Variants in RAB14 observed in about 807,000 individuals in gnomAD.
RAB14 encodes RAB14, member RAS oncogene family, also known as ras-related protein Rab-14.
A neutral mutation model predicts 31.1 loss-of-function variants in RAB14; 3 were observed. The ratio of observed to expected loss-of-function variants is 0.10; its 90% CI spans 0.04 to 0.25. The LOEUF (loss-of-function observed/expected upper bound fraction) is 0.25, where lower values mean the gene tolerates loss of function less well. Among genes scored for constraint, RAB14 ranks in the 10% least tolerant of loss-of-function variants. The pLI, the probability that RAB14 is intolerant of heterozygous loss-of-function variation, is 1.00. For synonymous variants in RAB14, 85 were observed against 84.9 expected (o/e 1.00, Z 0.00); for missense variants, 111 against 260.1 (o/e 0.43, Z 3.94).
At chr9:121,190,841 A>G (rs2053682511) in intron 3 of RAB14, 110 bp from the exon 4 acceptor site, 1 of 1,022,020 alleles carries the variant, frequency 9.8e-7, no homozygotes, top group African/African-American at 1.6e-5. Flanking sequence ...CTTACAGGCT[A>G]TAAATAGACT....
At chr9:121,194,910 T>C (rs2053706821) in intron 1 of RAB14, among the ~76,000 whole-genome samples, 1 of 152,176 alleles carries the variant, frequency 6.6e-6, no homozygotes, top group Admixed American at 6.6e-5. Context: ...GTATTACATT[T>C]AGTGAAAGTA....
At chr9:121,189,245 T>C (rs1296725270) in intron 4 of RAB14, among the ~76,000 whole-genome samples, 2 of 152,106 alleles carry the variant, frequency 1.3e-5, no homozygotes, top group Non-Finnish European at 2.9e-5. Context: ...TTTGATGACT[T>C]GAATAGACAC....
chr9:121,192,874 G>A (rs1407758716), intron 2 of RAB14, among the ~76,000 whole-genome samples: 1 of 151,860 alleles, frequency 6.6e-6, no homozygotes, highest in Non-Finnish European at 1.5e-5. Flanking sequence ...TTTTATGTTT[G>A]GATAAATAGC....
chr9:121,186,957 T>C lies in RAB14; in HGVS notation c.347A>G (p.Asn116Ser). ...LTDARNLTNP[N>S]TVIILIGNKA... is the part of the protein sequence containing the mutation. The stretch of plus-strand genomic sequence containing the variant: ...ATAAGATGCCATTTAACTTACAGTA[T>C]TTGGATTGGTGAGATTCCTTGCATC... The change falls in exon 5 of 8, where the codon AAT (asparagine) becomes AGT (serine). Residue 116 changes from asparagine to serine, a missense_variant. Transcript: ENST00000373840. 6.5e-7 allele frequency: 1 copy of C among 1,549,486 alleles called. No homozygotes were observed. The highest frequency in any genetic ancestry group is 2.4e-5 in the East Asian group (1 of 41,246).
intron 5 of RAB14, among the ~76,000 whole-genome samples, chr9:121,183,692 TTTG>T (rs2053645318): frequency 6.6e-6 from 1 of 152,200 alleles, no homozygotes; most frequent in Non-Finnish European, 1.5e-5. Context: ...GCTGGGTTTT[TTTG>T]TTGTTGTTTT....
chr9:121,182,854 T>C (rs2053640483), intron 7 of RAB14, 76 bp downstream of exon 7: 1 of 1,295,524 alleles, frequency 7.7e-7, no homozygotes, highest in Non-Finnish European at 1.1e-6. Flanking sequence ...ATATACATTA[T>C]ATACTTTTCA....
chr9:121,183,198 T>C (rs2053642495), intron 6 of RAB14, 113 bp downstream of exon 6: 1 of 888,520 alleles, frequency 1.1e-6, no homozygotes, highest in Admixed American at 2.4e-5. Flanking sequence ...ATTCTTGAGA[T>C]TTCTGAGTCT....
At chr9:121,185,259 G>C (rs1248191928) in intron 5 of RAB14, among the ~76,000 whole-genome samples, 3 of 152,044 alleles carry the variant, frequency 2.0e-5, no homozygotes, top group African/African-American at 7.3e-5. Flanking sequence ...GAGTCACAGA[G>C]ACTTACAAAA....
rs1215285017 is a variant in RAB14 at position 121,178,273 on chromosome 9, C to G, written c.*3123G>C. On this transcript the variant is annotated 3_prime_UTR_variant, in exon 8 of 8. Coordinates refer to ENST00000373840, the MANE Select transcript of RAB14 (RefSeq NM_016322.4). The stretch of plus-strand genomic sequence containing the variant: ...ACAGTAAGTTCTAGAAGGCATCTTT[C>G]AAAACAAAACTTGATTTCTTTTGTA... 6.6e-6 allele frequency: 1 copy of G among 152,156 alleles called. No individual in the cohort carries two copies. The highest frequency in any genetic ancestry group is 2.4e-5 in the African/African-American group (1 of 41,430). 9.4% of individuals were successfully genotyped at this position (152,156 alleles called of 1,614,324 possible).
At chr9:121,184,281 G>A (rs1157897613) in intron 5 of RAB14, among the ~76,000 whole-genome samples, 1 of 152,076 alleles carries the variant, frequency 6.6e-6, no homozygotes, top group African/African-American at 2.4e-5. Flanking sequence ...TCAAATCCAA[G>A]GCAAAATATC....
rs532163841 is a variant in RAB14, at chr9:121,192,109, TA to T, written c.106+61del. On this transcript the variant is annotated intron_variant, in intron 3 of 7. Coordinates refer to ENST00000373840, the MANE Select transcript of RAB14 (RefSeq NM_016322.4). ...GAAGTATACTGAAAATGACACTTTCTAAAAAGTAGAAACATGGCGATAAAGA... is the reference window on the plus strand; with the variant it reads ...GAAGTATACTGAAAATGACACTTTCTAAAAGTAGAAACATGGCGATAAAGA... 3.6e-3 allele frequency: 4,760 copies of T among 1,307,106 alleles called. 15 individuals are homozygous for T. Among genetic ancestry groups the T allele is most frequent in the Non-Finnish European group, 4.8e-3 (4,481 of 936,722 alleles). The allele number at this position is 1,307,106 out of a possible 1,614,324, so 81.0% of individuals were successfully genotyped here.
In RAB14 at chr9:121,189,350, G is replaced by A. The variant is rs552668868; in HGVS notation, c.284+1204C>T. Among the ~76,000 whole-genome samples the A allele has an allele frequency of 5.1e-4, 78 of 152,182 alleles. No homozygotes were observed. The South Asian group carries it at 8.7e-3, about 17-fold the overall frequency. On this transcript the variant is annotated intron_variant, in intron 4 of 7. Coordinates refer to ENST00000373840, the MANE Select transcript of RAB14 (RefSeq NM_016322.4). The stretch of plus-strand genomic sequence containing the variant: ...CATCACCATACTTAAATTTTATTGA[G>A]TTTTTAATTATGTGAAGTCTTCAGA...
Position 121,178,773 on chromosome 9 carries a change from C to T in RAB14, c.*2623G>A, listed in dbSNP as rs1314585941. On this transcript the variant is annotated 3_prime_UTR_variant, in exon 8 of 8. Transcript: ENST00000373840. ...CATTGTACTGGAAGATCTATTTAAG[C>T]ATAAATAGTACTAAGCACCAATTAC... 1 of 152,190 alleles carries T rather than the reference C, an allele frequency of 6.6e-6. No homozygotes were observed. The highest frequency in any genetic ancestry group is 2.4e-5 in the African/African-American group (1 of 41,432). 9.4% of individuals were successfully genotyped at this position (152,190 alleles called of 1,614,324 possible).
Position 121,181,587 on chromosome 9 carries a change from GA to G in RAB14, c.471-15del. 3 of 1,593,248 alleles carry G rather than the reference GA, an allele frequency of 1.9e-6. No homozygotes were observed. The highest frequency in any genetic ancestry group is 2.6e-6 in the Non-Finnish European group (3 of 1,163,510). On this transcript the variant is annotated splice_polypyrimidine_tract_variant and intron_variant, in intron 7 of 7. Transcript: ENST00000373840. ...ACATTCTCTCCCCTAAGAGGCAATT[GA>G]TAACTTTATTGGAGAACCACAGTTT...
chr9:121,185,381 C>T (rs182052397), intron 5 of RAB14, among the ~76,000 whole-genome samples: 170 of 152,168 alleles, frequency 1.1e-3, no homozygotes, highest in Non-Finnish European at 1.9e-3. Flanking sequence ...AATCTGCAGC[C>T]CTTATTCAGA....
intron 1 of RAB14, among the ~76,000 whole-genome samples, chr9:121,200,765 C>T (rs970716974): frequency 2.6e-5 from 4 of 152,234 alleles, no homozygotes; most frequent in African/African-American, 9.6e-5. Context: ...AACAGCCAGA[C>T]ACACATCACA....
chr9:121,186,941 C>A lies in RAB14; in HGVS notation c.351+12G>T, dbSNP rs1244599518. 8 of 1,514,024 alleles carry A rather than the reference C, an allele frequency of 5.3e-6. 1 individual carries two copies. In the African/African-American group the frequency reaches 7.1e-5, roughly 13 times the overall value. 93.8% of individuals were successfully genotyped at this position (1,514,024 alleles called of 1,614,324 possible). A position where few individuals can be genotyped will look rare whatever the true frequency, so the allele number is the denominator to read the frequency against. On this transcript the variant is annotated intron_variant, in intron 5 of 7. Transcript: ENST00000373840. The stretch of plus-strand genomic sequence containing the variant: ...TTAAATTTTCTGTGTAATAAGATGC[C>A]ATTTAACTTACAGTATTTGGATTGG...
chr9:121,183,527 AATTATCCACTAGAC>A (rs747098966), intron 5 of RAB14, 129 bp from the exon 6 acceptor site: 4 of 665,316 alleles, frequency 6.0e-6, no homozygotes, highest in Non-Finnish European at 1.0e-5. Flanking sequence ...AAGTACTAGC[AATTATCCACTAGAC>A]AGGGCTACAG....
chr9:121,181,428 G>C lies in RAB14; in HGVS notation c.616C>G (p.Pro206Ala). The change falls in exon 8 of 8, where the codon CCC becomes GCC. Residue 206 changes from proline (P) to alanine (A), a missense_variant. By Grantham distance (27) the Pro-to-Ala change is conservative (BLOSUM62 -1). Coordinates refer to ENST00000373840, the MANE Select transcript of RAB14 (RefSeq NM_016322.4). ...APQGGRLTSE[P>A]QPQREGCGC The stretch of plus-strand genomic sequence containing the variant: ...CCACAGCCTTCTCTCTGGGGTTGGG[G>C]TTCACTGGTTAGCCGGCCTCCCTGC... 1 of 1,609,224 alleles carries C rather than the reference G, an allele frequency of 6.2e-7. No individual in the cohort carries two copies. Among genetic ancestry groups the C allele is most frequent in the African/African-American group, 1.3e-5 (1 of 74,978 alleles).
Sources: gnomAD v4.1 joint callset for allele counts (sites outside exome capture counted in the v4.1 genomes callset) on GRCh38, gnomAD v4.1.1 for gene constraint, MANE v1.5 for transcripts, NCBI Gene and HGNC (gene_info 2026-07-23, HGNC 2026-07-21) for gene names.